Variants in FHIT observed in about 807,000 individuals in gnomAD.
FHIT encodes bis(5'-adenosyl)-triphosphatase.
Under a neutral mutation model 17.9 loss-of-function variants are expected in FHIT, and 19 were observed. The ratio of observed to expected loss-of-function variants is 1.06; its 90% CI spans 0.74 to 1.56. FHIT has a LOEUF of 1.56. Among genes scored for constraint, FHIT ranks in the 40% most tolerant of loss-of-function variants. The probability of loss-of-function intolerance (pLI) is 0.00; values close to 1 mark genes in which losing one functional copy is unlikely to be tolerated. For synonymous variants in FHIT, 81 were observed against 69.7 expected, an observed-to-expected ratio of 1.16 and a Z score of -0.81; for missense variants, 248 against 189.2, an observed-to-expected ratio of 1.31 and a Z score of -1.82.
At chr3:60,353,249 C>T (rs144340810) in intron 5 of FHIT, among the ~76,000 whole-genome samples, 237 of 152,186 alleles carry the variant, frequency 1.6e-3, no homozygotes, top group Middle Eastern at 0.01. Flanking sequence ...CCTCTTCCAT[C>T]GGCCCTAAAA....
At chr3:60,074,739 T>A (rs184745188) in intron 5 of FHIT, among the ~76,000 whole-genome samples, 16 of 152,198 alleles carry the variant, frequency 1.1e-4, no homozygotes, top group African/African-American at 2.9e-4. Flanking sequence ...TCTCTTGGTG[T>A]TTACTCCCCC....
intron 5 of FHIT, among the ~76,000 whole-genome samples, chr3:60,120,601 C>G (rs1032502948): frequency 2.6e-5 from 4 of 152,038 alleles, no homozygotes; most frequent in Non-Finnish European, 5.9e-5. Flanking sequence ...AGAATGTAAG[C>G]TTAATTGTGG....
At chr3:60,744,270 A>AAAAAAC (rs2042307617) in intron 4 of FHIT, among the ~76,000 whole-genome samples, 49 of 22,506 alleles carry the variant, frequency 2.2e-3, no homozygotes, top group East Asian at 5.5e-3. Context: ...AAACAAAACA[A>AAAAAAC]AAAAAAAAAA....
At chr3:60,580,852 C>G (rs765752848) in intron 4 of FHIT, among the ~76,000 whole-genome samples, 1 of 152,062 alleles carries the variant, frequency 6.6e-6, no homozygotes, top group Non-Finnish European at 1.5e-5. Context: ...ATGAGTGATG[C>G]CTGCCAAGGG....
intron 4 of FHIT, among the ~76,000 whole-genome samples, chr3:60,628,420 CTCTT>C (rs79182207): frequency 0.022 from 3,277 of 152,234 alleles, 59 homozygotes; most frequent in Non-Finnish European, 0.033. Context: ...AAGGTTTTAT[CTCTT>C]TCTCTGATAT....
chr3:60,004,689 T>A (rs1336682797), intron 7 of FHIT, among the ~76,000 whole-genome samples: 1 of 152,176 alleles, frequency 6.6e-6, no homozygotes, highest in Admixed American at 6.5e-5. Context: ...GAGTTGAAAT[T>A]TTGGATAGGC....
intron 7 of FHIT, among the ~76,000 whole-genome samples, chr3:59,943,985 T>A (rs1706668838): frequency 6.6e-6 from 1 of 152,188 alleles, no homozygotes; most frequent in Admixed American, 6.5e-5. Context: ...CAATTAATAA[T>A]ACATTACATA....
At position 59,788,881 on chromosome 3, in the gene FHIT, G is replaced by GTTTTTT. The variant is rs60361063; in HGVS notation, c.349-36566_349-36561dup. ...ACCACGTTCTTTGCTGAGTTCATATGTTTTTTTTTTTTACCCCATCTCCAA... is the reference window on the plus strand; with the variant it reads ...ACCACGTTCTTTGCTGAGTTCATATGTTTTTTTTTTTTTTTTTTACCCCATCTCCAA... On this transcript the variant is annotated intron_variant, in intron 8 of 9. Transcript: ENST00000492590. Among the ~76,000 whole-genome samples, 35 of 86,804 alleles carry GTTTTTT rather than the reference G, an allele frequency of 4.0e-4. 5 individuals are homozygous for GTTTTTT. The highest frequency in any genetic ancestry group is 5.0e-4 in the African/African-American group (11 of 21,836). The allele number at this position is 86,804 out of a possible 152,430, so 56.9% of individuals were successfully genotyped here.
intron 5 of FHIT, among the ~76,000 whole-genome samples, chr3:60,485,092 A>T (rs1007520445): frequency 7.2e-5 from 11 of 152,196 alleles, no homozygotes; most frequent in Non-Finnish European, 1.3e-4. Context: ...GCAAATCAAA[A>T]CCATAATGAG....
intron 8 of FHIT, among the ~76,000 whole-genome samples, chr3:59,895,370 C>T (rs369166035): frequency 6.6e-6 from 1 of 152,194 alleles, no homozygotes; most frequent in African/African-American, 2.4e-5. Flanking sequence ...GGAGTGAATG[C>T]ACTATAATAG....
intron 5 of FHIT, among the ~76,000 whole-genome samples, chr3:60,520,407 G>C (rs528169790): frequency 6.6e-6 from 1 of 152,094 alleles, no homozygotes; most frequent in African/African-American, 2.4e-5. Flanking sequence ...TTAATGCTCC[G>C]TACCTCCTGT....
At chr3:61,215,677 G>A (rs926833185) in intron 1 of FHIT, among the ~76,000 whole-genome samples, 17 of 152,136 alleles carry the variant, frequency 1.1e-4, no homozygotes, top group East Asian at 3.8e-4. Context: ...AAAAGAGCCC[G>A]CATCACCAAG....
chr3:60,011,506 TAATTTA>T (rs1487735157), intron 6 of FHIT, 106 bp from the exon 7 acceptor site: 3 of 956,894 alleles, frequency 3.1e-6, no homozygotes, highest in African/African-American at 1.6e-5. Context: ...CATTGTGTGT[TAATTTA>T]TAGTATTCTC....
chr3:59,779,541 G>A (rs561921951), intron 8 of FHIT, among the ~76,000 whole-genome samples: 15 of 152,274 alleles, frequency 9.9e-5, no homozygotes, highest in African/African-American at 3.6e-4. Flanking sequence ...GGCATAAAGG[G>A]TATGTATGCC....
intron 5 of FHIT, among the ~76,000 whole-genome samples, chr3:60,115,755 T>A: frequency 6.6e-6 from 1 of 152,066 alleles, no homozygotes. Context: ...CAATACTTCA[T>A]AAAATGAAAA....
intron 8 of FHIT, among the ~76,000 whole-genome samples, chr3:59,846,855 T>C (rs1335855881): frequency 6.6e-6 from 1 of 152,152 alleles, no homozygotes; most frequent in Non-Finnish European, 1.5e-5. Context: ...GTTGGATACG[T>C]GATTATTGGC....
At chr3:59,795,377 C>G (rs759811381) in intron 8 of FHIT, among the ~76,000 whole-genome samples, 42 of 122,774 alleles carry the variant, frequency 3.4e-4, no homozygotes, top group Non-Finnish European at 7.1e-4. Flanking sequence ...GAGCAAGACC[C>G]TGTCTCGAAA....
At chr3:61,204,275 TG>T (rs747494288) in intron 1 of FHIT, among the ~76,000 whole-genome samples, 3 of 152,002 alleles carry the variant, frequency 2.0e-5, no homozygotes, top group African/African-American at 7.2e-5. Context: ...GTGAGAGGAA[TG>T]GGGGGGCTTC....
chr3:60,674,773 T>C (rs1165295451), intron 4 of FHIT, among the ~76,000 whole-genome samples: 1 of 152,206 alleles, frequency 6.6e-6, no homozygotes, highest in African/African-American at 2.4e-5. Flanking sequence ...AGTGTCTTTG[T>C]TCGGCTCTTG....
Sources: allele counts gnomAD v4.1 joint callset (sites outside exome capture counted in the v4.1 genomes callset), GRCh38; gene constraint gnomAD v4.1.1; transcripts MANE v1.5; gene names NCBI Gene and HGNC (gene_info 2026-07-23, HGNC 2026-07-21).